The following LRRC4C variants were observed in gnomAD, a reference collection of about 807,000 sequenced individuals.
LRRC4C encodes leucine-rich repeat-containing protein 4C.
A neutral mutation model predicts 33.6 loss-of-function variants in LRRC4C; 5 were observed. The observed-to-expected ratio is 0.15, with a 90% CI of 0.08 to 0.31. The LOEUF is 0.31. LRRC4C is among the 10% of genes least tolerant of loss of function. The pLI, the probability that LRRC4C is intolerant of heterozygous loss-of-function variation, is 1.00. For synonymous variants in LRRC4C, 329 were observed against 302.0 expected (o/e 1.09, Z -0.93); for missense variants, 560 against 796.7 (o/e 0.70, Z 3.58).
chr11:41,167,200 T>C (rs1212185304), intron 1 of LRRC4C, among the ~76,000 whole-genome samples: 1 of 152,180 alleles, frequency 6.6e-6, no homozygotes, highest in Non-Finnish European at 1.5e-5. Context: ...ACTTACTAGA[T>C]CTTTCATGTA....
In LRRC4C at chr11:40,133,732, G is replaced by T. The variant is rs534364034; in HGVS notation, c.-43+7069C>A. Among the ~76,000 whole-genome samples the T allele has an allele frequency of 1.2e-3, 176 of 152,218 alleles. 4 individuals carry two copies. The highest frequency in any genetic ancestry group is 7.2e-4 in the African/African-American group (30 of 41,518). ...GCGTAGATCCTTGTAAGTAGTCTGGGTGTTCAGAGAGAACCAGTGAGGCTT... is the reference window on the plus strand; with the variant it reads ...GCGTAGATCCTTGTAAGTAGTCTGGTTGTTCAGAGAGAACCAGTGAGGCTT... On this transcript the variant is annotated intron_variant, in intron 6 of 6. Coordinates refer to ENST00000528697, the MANE Select transcript of LRRC4C (RefSeq NM_001258419.2).
intron 1 of LRRC4C, among the ~76,000 whole-genome samples, chr11:41,068,642 C>T (rs1475543103): frequency 1.3e-5 from 2 of 152,116 alleles, no homozygotes; most frequent in Non-Finnish European, 2.9e-5. Flanking sequence ...TTCCTAGACA[C>T]ATACACCCTC....
intron 2 of LRRC4C, among the ~76,000 whole-genome samples, chr11:40,766,353 T>TAAAAAAAAAAAAAA (rs60152534): frequency 8.8e-5 from 3 of 33,918 alleles, no homozygotes; most frequent in African/African-American, 2.1e-4. Flanking sequence ...TTCAGTCTGT[T>TAAAAAAAAAAAAAA]AAAAAAAAAA....
chr11:40,655,980 C>T (rs1168730650), intron 2 of LRRC4C, among the ~76,000 whole-genome samples: 1 of 152,092 alleles, frequency 6.6e-6, no homozygotes, highest in Non-Finnish European at 1.5e-5. Flanking sequence ...TTCATGAGAA[C>T]TCACTCACTG....
intron 3 of LRRC4C, among the ~76,000 whole-genome samples, chr11:40,369,218 T>C (rs1455321892): frequency 6.6e-6 from 1 of 152,114 alleles, no homozygotes; most frequent in Non-Finnish European, 1.5e-5. Flanking sequence ...GAGATAGGGG[T>C]TGGAATCAGC....
intron 1 of LRRC4C, among the ~76,000 whole-genome samples, chr11:41,332,809 C>G (rs1373372989): frequency 6.6e-6 from 1 of 152,134 alleles, no homozygotes; most frequent in Admixed American, 6.5e-5. Flanking sequence ...CAATTAACCT[C>G]AACACATTTT....
intron 1 of LRRC4C, among the ~76,000 whole-genome samples, chr11:41,054,324 T>C (rs1267757753): frequency 6.6e-6 from 1 of 152,184 alleles, no homozygotes; most frequent in Non-Finnish European, 1.5e-5. Flanking sequence ...TTGGGCAACT[T>C]ATAACTGCAT....
chr11:40,126,281 G>A (rs1045266532), intron 6 of LRRC4C, among the ~76,000 whole-genome samples: 4 of 151,988 alleles, frequency 2.6e-5, no homozygotes, highest in Non-Finnish European at 4.4e-5. Context: ...TAGTCAGGAC[G>A]TCTCACCTAA....
At chr11:41,285,728 T>C (rs1306557500) in intron 1 of LRRC4C, among the ~76,000 whole-genome samples, 1 of 152,192 alleles carries the variant, frequency 6.6e-6, no homozygotes, top group Admixed American at 6.5e-5. Flanking sequence ...ATATTTAAAG[T>C]GTGTTACTTA....
chr11:40,561,409 T>A, intron 3 of LRRC4C, among the ~76,000 whole-genome samples: 1 of 1,416 alleles, frequency 7.1e-4, no homozygotes, highest in African/African-American at 1.0e-3. Context: ...TGAGGATTCC[T>A]TTTTTTTTTT....
intron 1 of LRRC4C, among the ~76,000 whole-genome samples, chr11:40,937,564 C>G (rs1485895262): frequency 2.0e-5 from 3 of 151,662 alleles, no homozygotes; most frequent in Non-Finnish European, 4.4e-5. Context: ...GTAAAGTACT[C>G]AGTCTCTCCA....
At chr11:41,170,382 G>A (rs1320225976) in intron 1 of LRRC4C, among the ~76,000 whole-genome samples, 2 of 152,118 alleles carry the variant, frequency 1.3e-5, no homozygotes, top group African/African-American at 4.8e-5. Context: ...AACCAAAATA[G>A]CATGGTACTG....
chr11:41,208,069 G>T (rs576208670), intron 1 of LRRC4C, among the ~76,000 whole-genome samples: 6 of 152,154 alleles, frequency 3.9e-5, no homozygotes, highest in Non-Finnish European at 8.8e-5. Flanking sequence ...CCTTAGAGAA[G>T]ACATGTATCA....
chr11:40,523,474 C>A (rs768190832), intron 3 of LRRC4C, among the ~76,000 whole-genome samples: 1 of 150,716 alleles, frequency 6.6e-6, no homozygotes, highest in Non-Finnish European at 1.5e-5. Flanking sequence ...ATCCTGCAGT[C>A]TTACTGATTT....
chr11:41,359,672 A>G (rs920635593), intron 1 of LRRC4C, among the ~76,000 whole-genome samples: 2 of 152,210 alleles, frequency 1.3e-5, no homozygotes, highest in African/African-American at 4.8e-5. Context: ...AACTGTTATG[A>G]CAATGCATAA....
chr11:40,797,118 C>T (rs955848717), intron 2 of LRRC4C, among the ~76,000 whole-genome samples: 19 of 152,000 alleles, frequency 1.3e-4, no homozygotes, highest in African/African-American at 1.9e-4. Flanking sequence ...CATGGAAAGA[C>T]ACATGCTTAA....
chr11:40,557,472 T>G (rs1430505656), intron 3 of LRRC4C, among the ~76,000 whole-genome samples: 1 of 152,216 alleles, frequency 6.6e-6, no homozygotes, highest in African/African-American at 2.4e-5. Context: ...AAAGTATCTT[T>G]GAACTGAAAC....
At chr11:41,059,407 A>G (rs1221258381) in intron 1 of LRRC4C, among the ~76,000 whole-genome samples, 1 of 152,082 alleles carries the variant, frequency 6.6e-6, no homozygotes, top group African/African-American at 2.4e-5. Flanking sequence ...AAGTTCTAGT[A>G]TCTCCAGAAG....
chr11:41,405,475 C>A (rs1954197827), intron 1 of LRRC4C, among the ~76,000 whole-genome samples: 1 of 152,034 alleles, frequency 6.6e-6, no homozygotes, highest in African/African-American at 2.4e-5. Context: ...TTTCTTTAGG[C>A]TCTGATAGGC....
Sources: allele counts gnomAD v4.1 joint callset (sites outside exome capture counted in the v4.1 genomes callset), GRCh38; gene constraint gnomAD v4.1.1; transcripts MANE v1.5; gene names NCBI Gene and HGNC (gene_info 2026-07-23, HGNC 2026-07-21).